The following NBEA variants were observed in gnomAD, a reference collection of about 807,000 sequenced individuals.
The protein encoded by NBEA is neurobeachin, also known as lysosomal-trafficking regulator 2.
A neutral mutation model predicts 343.4 loss-of-function variants in NBEA; 44 were observed. That is an observed-to-expected ratio of 0.13 (90% CI 0.10 to 0.16). The LOEUF (loss-of-function observed/expected upper bound fraction) is 0.16. Among genes scored for constraint, NBEA ranks in the 10% least tolerant of loss-of-function variants. NBEA has a pLI of 1.00. For synonymous variants in NBEA, 1,175 were observed against 1,238.7 expected (o/e 0.95, Z 1.08); for missense variants, 2,555 against 3,631.3 (o/e 0.70, Z 7.62).
At chr13:35,307,700 G>A (rs1316247233) in intron 35 of NBEA, among the ~76,000 whole-genome samples, 2 of 151,960 alleles carry the variant, frequency 1.3e-5, no homozygotes, top group African/African-American at 2.4e-5. Context: ...AGTGGCATGG[G>A]TCTTCGTATG....
chr13:35,089,658 C>G (rs1361457812), intron 10 of NBEA, among the ~76,000 whole-genome samples: 10 of 126,028 alleles, frequency 7.9e-5, no homozygotes, highest in Admixed American at 1.6e-4. Context: ...TTGGAACCAA[C>G]CCAAATGTCC....
chr13:35,389,886 A>G, intron 38 of NBEA, among the ~76,000 whole-genome samples: 1 of 150,596 alleles, frequency 6.6e-6, no homozygotes, highest in East Asian at 1.9e-4. Flanking sequence ...CCCTCACTTT[A>G]GTAGTTTTTG....
At chr13:35,494,726 A>C (rs75624822) in intron 41 of NBEA, among the ~76,000 whole-genome samples, 1 of 152,010 alleles carries the variant, frequency 6.6e-6, no homozygotes, top group Non-Finnish European at 1.5e-5. Flanking sequence ...GTCCAATAAA[A>C]AATCAGAGAC....
In NBEA at chr13:35,409,053, A is replaced by T. The variant is rs182065323; in HGVS notation, c.6180-23216A>T. On this transcript the variant is annotated intron_variant, in intron 38 of 58. Coordinates refer to ENST00000379939, the MANE Select transcript of NBEA (RefSeq NM_001385012.1). ...TAAAGACACATGCATGTGTATGTTC[A>T]TTGCAGCACTATTCACAATAGGAAA... Among the ~76,000 whole-genome samples the T allele has an allele frequency of 3.9e-5, 6 of 152,310 alleles. No individual in the cohort carries two copies. In the East Asian group the frequency reaches 1.2e-3, roughly 29 times the overall value.
chr13:35,670,615 A>G (rs2085572527), intron 58 of NBEA, among the ~76,000 whole-genome samples: 1 of 152,234 alleles, frequency 6.6e-6, no homozygotes, highest in South Asian at 2.1e-4. Context: ...GATTGCTGAG[A>G]GAAATGGGGC....
intron 1 of NBEA, among the ~76,000 whole-genome samples, chr13:35,028,450 G>A (rs1490058915): frequency 1.3e-5 from 2 of 151,742 alleles, no homozygotes; most frequent in African/African-American, 4.8e-5. Flanking sequence ...GTTTCCACAT[G>A]TTCCCTGATA....
chr13:35,469,995 A>G (rs1259384451), intron 40 of NBEA, among the ~76,000 whole-genome samples: 2 of 152,246 alleles, frequency 1.3e-5, no homozygotes, highest in Non-Finnish European at 2.9e-5. Context: ...TCTGTAGTGG[A>G]TTAACTCTGT....
At position 35,346,486 on chromosome 13, in the gene NBEA, GTT is replaced by G. The variant is rs534646366; in HGVS notation, c.5904-2620_5904-2619del. Among the ~76,000 whole-genome samples, 252 of 152,212 alleles carry G rather than the reference GTT, an allele frequency of 1.7e-3. 6 individuals carry two copies. The highest frequency in any genetic ancestry group is 1.3e-3 in the Non-Finnish European group (91 of 67,980). On this transcript the variant is annotated intron_variant, in intron 36 of 58. Transcript: ENST00000379939. ...TTTCCCTCAGTGATTAAGACTGTAT[GTT>G]TGTTTGCCCTCCAACGTCATTTACA...
At position 35,607,758 on chromosome 13, in the gene NBEA, T is replaced by TAA. The variant is rs56180939; in HGVS notation, c.7449+1189_7449+1190dup. The stretch of plus-strand genomic sequence containing the variant: ...TGTGCAAATTGTTCATCATTTAAAG[T>TAA]AAAAAAAAAATGAATATTAGTCCAT... On this transcript the variant is annotated intron_variant, in intron 48 of 58. Transcript: ENST00000379939. Among the ~76,000 whole-genome samples, 9 of 149,328 alleles carry TAA rather than the reference T, an allele frequency of 6.0e-5. 1 individual carries two copies. The South Asian group carries it at 1.9e-3, about 31-fold the overall frequency.
In NBEA at chr13:35,086,812, T is replaced by C. The variant is rs960300011; in HGVS notation, c.1572-11485T>C. Among the ~76,000 whole-genome samples the C allele has an allele frequency of 7.9e-5, 12 of 152,156 alleles. No homozygotes were observed. In the East Asian group the frequency reaches 1.2e-3, roughly 15 times the overall value. On this transcript the variant is annotated intron_variant, in intron 10 of 58. Transcript: ENST00000379939. ...TTTAGATCCTCACCAGCACCTGTTA[T>C]TTTTTGTTCTACTTATAATAGCTGC...
At chr13:35,327,681 C>T (rs976813399) in intron 36 of NBEA, among the ~76,000 whole-genome samples, 1 of 151,870 alleles carries the variant, frequency 6.6e-6, no homozygotes, top group African/African-American at 2.4e-5. Context: ...TGGGCATTCT[C>T]ACTACCAGGG....
chr13:35,574,410 C>CA (rs112796740), intron 45 of NBEA, among the ~76,000 whole-genome samples: 2 of 143,240 alleles, frequency 1.4e-5, no homozygotes, highest in South Asian at 2.2e-4. Context: ...AGAAAAAAAA[C>CA]AAGGAAAGAA....
chr13:35,330,555 A>G (rs1225773320), intron 36 of NBEA, among the ~76,000 whole-genome samples: 2 of 151,900 alleles, frequency 1.3e-5, no homozygotes, highest in African/African-American at 4.8e-5. Context: ...TCCTTTCCAT[A>G]TCAAGCCCTT....
At position 34,964,906 on chromosome 13, in the gene NBEA, G is replaced by T. The variant is rs532965001; in HGVS notation, c.294+21792G>T. Among the ~76,000 whole-genome samples the T allele has an allele frequency of 2.0e-5, 3 of 152,114 alleles. No homozygotes were observed. The South Asian group carries it at 6.2e-4, about 32-fold the overall frequency. On this transcript the variant is annotated intron_variant, in intron 1 of 58. Coordinates refer to ENST00000379939, the MANE Select transcript of NBEA (RefSeq NM_001385012.1). ...GATTATTGTGGTGACTATCACTTTG[G>T]TGCTCCATAGCGGTGCCTAGAGTAG...
intron 1 of NBEA, among the ~76,000 whole-genome samples, chr13:34,969,654 G>A (rs531721674): frequency 6.6e-5 from 10 of 151,864 alleles, no homozygotes; most frequent in Admixed American, 1.3e-4. Context: ...ACAGTATTTT[G>A]TTTTCTGTGT....
intron 41 of NBEA, among the ~76,000 whole-genome samples, chr13:35,533,593 C>T (rs187485551): frequency 6.6e-6 from 1 of 152,174 alleles, no homozygotes; most frequent in Non-Finnish European, 1.5e-5. Flanking sequence ...TCTGCTCTAG[C>T]ATAGATCAAC....
intron 51 of NBEA, among the ~76,000 whole-genome samples, chr13:35,649,138 G>T (rs1202019454): frequency 1.3e-5 from 2 of 152,192 alleles, no homozygotes; most frequent in African/African-American, 2.4e-5. Flanking sequence ...AACCTGGGGA[G>T]AACTGCCAGG....
At chr13:35,661,607 G>A (rs1424756199) in intron 55 of NBEA, among the ~76,000 whole-genome samples, 1 of 152,104 alleles carries the variant, frequency 6.6e-6, no homozygotes, top group Non-Finnish European at 1.5e-5. Context: ...GACCTCCACA[G>A]CACCTGCCTG....
intron 41 of NBEA, among the ~76,000 whole-genome samples, chr13:35,524,639 G>GA (rs1214691183): frequency 6.6e-6 from 1 of 151,900 alleles, no homozygotes; most frequent in African/African-American, 2.4e-5. Context: ...TTTTCCAAAG[G>GA]AAAAAAACAA....
Sources: gnomAD v4.1 joint callset for allele counts (sites outside exome capture counted in the v4.1 genomes callset) on GRCh38, gnomAD v4.1.1 for gene constraint, MANE v1.5 for transcripts, NCBI Gene and HGNC (gene_info 2026-07-23, HGNC 2026-07-21) for gene names.